The following EHMT1 variants were observed in gnomAD, a reference collection of about 807,000 sequenced individuals.
The protein encoded by EHMT1 is histone-lysine N-methyltransferase EHMT1.
Under a neutral mutation model 147.2 loss-of-function variants are expected in EHMT1, and 15 were observed. The observed-to-expected ratio is 0.10, with a 90% CI of 0.07 to 0.16. The LOEUF is 0.16. Among genes scored for constraint, EHMT1 ranks in the 10% least tolerant of loss-of-function variants. EHMT1 has a pLI of 1.00. For missense variants in EHMT1, 1,587 were observed against 1,772.4 expected, an observed-to-expected ratio of 0.90 and a Z score of 1.88; for synonymous variants, 795 against 709.6, an observed-to-expected ratio of 1.12 and a Z score of -1.91.
Position 137,743,889 on chromosome 9 carries a change from G to A in EHMT1, c.982-13G>A, listed in dbSNP as rs890197576. On this transcript the variant is annotated splice_polypyrimidine_tract_variant and intron_variant, in intron 5 of 26. Transcript: ENST00000460843. Reference sequence around the variant, plus strand: ...TGATCCTGCCTTGGGGTATACACCTGCCCGTGTTCTAGGGGGAGAAGGACC... The same window carrying A: ...TGATCCTGCCTTGGGGTATACACCTACCCGTGTTCTAGGGGGAGAAGGACC... The A allele has an allele frequency of 1.2e-6, 2 of 1,606,074 alleles. No homozygotes were observed. Among genetic ancestry groups the A allele is most frequent in the African/African-American group, 2.7e-5 (2 of 74,832 alleles).
chr9:137,621,851 C>T (rs1199598976), intron 1 of EHMT1, among the ~76,000 whole-genome samples: 1 of 151,408 alleles, frequency 6.6e-6, no homozygotes, highest in Non-Finnish European at 1.5e-5. Context: ...TTTATTTTTT[C>T]TTTTTTAAAA....
At chr9:137,806,810 G>A (rs572974409) in intron 18 of EHMT1, among the ~76,000 whole-genome samples, 3 of 152,332 alleles carry the variant, frequency 2.0e-5, no homozygotes, top group South Asian at 4.1e-4. Flanking sequence ...TTCTGGATGC[G>A]TAGTTATTTC....
intron 25 of EHMT1, among the ~76,000 whole-genome samples, chr9:137,819,612 C>T (rs113823102): frequency 2.5e-5 from 3 of 122,158 alleles, no homozygotes; most frequent in Non-Finnish European, 1.6e-5. Context: ...GTAGAGAGGC[C>T]GATTGAGGGG....
rs1336570792 is a variant in EHMT1 at position 137,743,466 on chromosome 9, T to C, written c.919T>C (p.Leu307=). The part of the protein sequence containing the change: ...SLVPKKKTKV[L]KQRTVIEMFK... ...GGTTCCTAAGAAAAAGACCAAAGTA[T>C]TAAAACAGAGGACGGTGATTGAGAT... The change falls in exon 5 of 27, where the codon TTA becomes CTA. Residue 307 remains leucine, a synonymous_variant. Coordinates refer to ENST00000460843, the MANE Select transcript of EHMT1 (RefSeq NM_024757.5). The C allele has an allele frequency of 6.2e-7, 1 of 1,614,098 alleles. No individual in the cohort carries two copies. Among genetic ancestry groups the C allele is most frequent in the South Asian group, 1.1e-5 (1 of 91,074 alleles).
chr9:137,722,104 C>T (rs1946117136), intron 3 of EHMT1, among the ~76,000 whole-genome samples: 1 of 152,116 alleles, frequency 6.6e-6, no homozygotes, highest in Admixed American at 6.5e-5. Context: ...GCGCCCCAGT[C>T]ACAGTTTTAA....
In EHMT1 at chr9:137,787,845, G is replaced by C. The variant is rs768188772; in HGVS notation, c.2383-3003G>C. On this transcript the variant is annotated intron_variant, in intron 15 of 26. Transcript: ENST00000460843. This position sits in a 1 kb window ranked among gnomAD's most constrained non-coding sequence, Gnocchi z 4.2. ...CCCCCAGTAGGCAGAGCTGGTTGAC[G>C]GTGGACATTGGGGATAGGAGGTGGG... is the stretch of plus-strand genomic sequence containing the variant. The C allele has an allele frequency of 1.9e-6, 2 of 1,044,702 alleles. No individual in the cohort carries two copies. The highest frequency in any genetic ancestry group is 3.0e-6 in the Non-Finnish European group (2 of 664,260). 64.7% of individuals were successfully genotyped at this position (1,044,702 alleles called of 1,614,324 possible).
At chr9:137,756,570 C>T (rs1404649241) in intron 8 of EHMT1, among the ~76,000 whole-genome samples, 3 of 152,136 alleles carry the variant, frequency 2.0e-5, no homozygotes, top group African/African-American at 4.8e-5. Context: ...GTGAGCCCCC[C>T]GGGAGCTGCA....
intron 1 of EHMT1, among the ~76,000 whole-genome samples, chr9:137,678,414 C>G (rs1056958959): frequency 2.0e-5 from 3 of 152,096 alleles, no homozygotes; most frequent in Non-Finnish European, 4.4e-5. Context: ...TCAGGTTGAA[C>G]TTTTTATTGT....
Position 137,776,389 on chromosome 9 carries a change from A to G in EHMT1, c.1792-229A>G, listed in dbSNP as rs1252602048. 3.5e-5 allele frequency: 17 copies of G among 483,684 alleles called. No individual in the cohort carries two copies. The Admixed American group carries it at 5.1e-4, about 15-fold the overall frequency. 30.0% of individuals were successfully genotyped at this position (483,684 alleles called of 1,614,324 possible). A position where few individuals can be genotyped will look rare whatever the true frequency, so the allele number is the denominator to read the frequency against. Reference sequence around the variant, plus strand: ...GGCCTAGGTGGGTTGGAGGCAGCCAAGTGACCTCTGTCTGGCTTCAGCTTC... The same window carrying G: ...GGCCTAGGTGGGTTGGAGGCAGCCAGGTGACCTCTGTCTGGCTTCAGCTTC... On this transcript the variant is annotated intron_variant, in intron 11 of 26. Transcript: ENST00000460843. The surrounding 1 kb of genome is among the most constrained non-coding windows in gnomAD (Gnocchi z 4.4).
rs1554847272 is a variant in EHMT1 at position 137,717,626 on chromosome 9, A to AAAGAG, written c.642+444_642+445insAAGAG. On this transcript the variant is annotated intron_variant, in intron 3 of 26. Transcript: ENST00000460843. ...GTCTCAAAAAAAAAAAAAAAAAAAAAGAGATGCTGCTAATGCCTTGTGCGT... is the reference window on the plus strand; with the variant it reads ...GTCTCAAAAAAAAAAAAAAAAAAAAAAAGAGGAGATGCTGCTAATGCCTTGTGCGT... 8.6e-3 allele frequency among the ~76,000 whole-genome samples: 1,204 copies of AAAGAG among 140,182 alleles called. 28 individuals are homozygous for AAAGAG. The highest frequency in any genetic ancestry group is 0.016 in the African/African-American group (581 of 36,484). The allele number at this position is 140,182 out of a possible 152,430, so 92.0% of individuals were successfully genotyped here. A position where few individuals can be genotyped will look rare whatever the true frequency, so the allele number is the denominator to read the frequency against.
intron 4 of EHMT1, among the ~76,000 whole-genome samples, chr9:137,737,178 C>G (rs1947612324): frequency 6.6e-6 from 1 of 152,264 alleles, no homozygotes; most frequent in East Asian, 1.9e-4. Context: ...TATCACTGCA[C>G]TTTAGCCTAG....
intron 1 of EHMT1, among the ~76,000 whole-genome samples, chr9:137,699,838 G>C (rs1943692505): frequency 6.6e-6 from 1 of 152,198 alleles, no homozygotes; most frequent in South Asian, 2.1e-4. Flanking sequence ...GACAGAACAA[G>C]ACCCTGTTTC....
intron 4 of EHMT1, among the ~76,000 whole-genome samples, chr9:137,738,229 A>AC (rs1947726089): frequency 1.3e-5 from 2 of 150,502 alleles, no homozygotes; most frequent in Admixed American, 1.3e-4. Flanking sequence ...CAACAAAAAA[A>AC]ACCCAAAAAA....
At chr9:137,758,557 TTAAGC>T (rs1269616525) in intron 9 of EHMT1, among the ~76,000 whole-genome samples, 1 of 152,238 alleles carries the variant, frequency 6.6e-6, no homozygotes, top group Non-Finnish European at 1.5e-5. Flanking sequence ...TTTTCTCTTT[TTAAGC>T]AACTTAGAAA....
intron 1 of EHMT1, among the ~76,000 whole-genome samples, chr9:137,709,236 G>C (rs903887191): frequency 2.6e-5 from 4 of 152,110 alleles, no homozygotes; most frequent in African/African-American, 9.7e-5. Flanking sequence ...GCTCCTGTTG[G>C]GGGGTAGGTG....
chr9:137,694,976 A>G (rs1273329824), intron 1 of EHMT1, among the ~76,000 whole-genome samples: 2 of 152,234 alleles, frequency 1.3e-5, no homozygotes, highest in African/African-American at 4.8e-5. Flanking sequence ...CTTAGAGCAC[A>G]TACCCTCTGA....
intron 1 of EHMT1, among the ~76,000 whole-genome samples, chr9:137,645,376 A>G (rs1038463410): frequency 2.0e-5 from 3 of 152,236 alleles, no homozygotes; most frequent in South Asian, 2.1e-4. Flanking sequence ...CCATTTATCC[A>G]TTCATGTGTT....
At chr9:137,642,632 A>G (rs1844574658) in intron 1 of EHMT1, among the ~76,000 whole-genome samples, 1 of 152,218 alleles carries the variant, frequency 6.6e-6, no homozygotes, top group African/African-American at 2.4e-5. Context: ...CTATATTACA[A>G]TACTATATGA....
chr9:137,627,561 G>A (rs899075588), intron 1 of EHMT1, among the ~76,000 whole-genome samples: 1 of 152,018 alleles, frequency 6.6e-6, no homozygotes, highest in Non-Finnish European at 1.5e-5. Context: ...CGCTGCGCCC[G>A]TGATTTGCCC....
Sources: allele counts gnomAD v4.1 joint callset (sites outside exome capture counted in the v4.1 genomes callset), GRCh38; gene constraint gnomAD v4.1.1; non-coding constraint Gnocchi (gnomAD v3.1); transcripts MANE v1.5; gene names NCBI Gene and HGNC (gene_info 2026-07-23, HGNC 2026-07-21).